Variants in TSHZ2 observed in about 807,000 individuals in gnomAD.
TSHZ2 encodes the protein teashirt zinc finger homeobox 2, also known as teashirt homolog 2.
TSHZ2 carries 21 observed loss-of-function variants against 74.4 expected under a neutral mutation model. The observed-to-expected ratio is 0.28, with a 90% CI of 0.20 to 0.41. The LOEUF (loss-of-function observed/expected upper bound fraction) is 0.41. TSHZ2 is among the 10% of genes least tolerant of loss of function. TSHZ2 has a pLI of 1.00. For missense variants in TSHZ2, 1,244 were observed against 1,293.5 expected (o/e 0.96, Z 0.59); for synonymous variants, 540 against 515.3 (o/e 1.05, Z -0.65).
At chr20:53,444,548 G>A (rs571329262) in intron 2 of TSHZ2, among the ~76,000 whole-genome samples, 1 of 152,312 alleles carries the variant, frequency 6.6e-6, no homozygotes, top group Non-Finnish European at 1.5e-5. Flanking sequence ...AATCAATTTG[G>A]CAGGAGTTAA....
chr20:53,349,702 G>A (rs1165305416), intron 2 of TSHZ2, among the ~76,000 whole-genome samples: 1 of 151,610 alleles, frequency 6.6e-6, no homozygotes, highest in Admixed American at 6.6e-5. Context: ...TCTGAAAGTG[G>A]TACACTTACT....
rs536953233 is a variant in TSHZ2 at position 53,141,984 on chromosome 20, C to T, written c.41-111515C>T. Among the ~76,000 whole-genome samples, 11 of 152,300 alleles carry T rather than the reference C, an allele frequency of 7.2e-5. No individual in the cohort carries two copies. The East Asian group carries it at 1.5e-3, about 21-fold the overall frequency. On this transcript the variant is annotated intron_variant, in intron 1 of 2. Coordinates refer to ENST00000371497, the MANE Select transcript of TSHZ2 (RefSeq NM_173485.6). Reference sequence around the variant, plus strand: ...GCAGGAAGCAAGTGGATGTCAGGGACGGTGGTGGGGGGCTCTGCTTGGAAG... The same window carrying T: ...GCAGGAAGCAAGTGGATGTCAGGGATGGTGGTGGGGGGCTCTGCTTGGAAG...
chr20:53,461,643 A>G (rs989627289), intron 2 of TSHZ2: 1 of 152,184 alleles, frequency 6.6e-6, no homozygotes. Context: ...AATATAAATG[A>G]GAGTAAGAAG....
At chr20:53,040,649 C>T (rs79120471) in intron 1 of TSHZ2, among the ~76,000 whole-genome samples, 3 of 151,446 alleles carry the variant, frequency 2.0e-5, no homozygotes, top group African/African-American at 4.8e-5. Context: ...TAGCCTTTCA[C>T]GGAAGCCTGG....
At chr20:53,142,510 T>C (rs1401602121) in intron 1 of TSHZ2, among the ~76,000 whole-genome samples, 1 of 152,178 alleles carries the variant, frequency 6.6e-6, no homozygotes, top group Non-Finnish European at 1.5e-5. Flanking sequence ...TGAGTTCCAA[T>C]ACAAGCACAG....
At chr20:53,156,860 G>A (rs190042569) in intron 1 of TSHZ2, among the ~76,000 whole-genome samples, 1,748 of 152,308 alleles carry the variant, frequency 0.011, 12 homozygotes, top group Middle Eastern at 0.02. Context: ...TAGGTAGGGG[G>A]AAATAAGAGC....
chr20:53,068,676 AT>A (rs1365349728), intron 1 of TSHZ2, among the ~76,000 whole-genome samples: 1 of 152,182 alleles, frequency 6.6e-6, no homozygotes, highest in East Asian at 1.9e-4. Context: ...TAGGTGCTTA[AT>A]AAGTAATTAT....
chr20:52,977,576 C>T (rs534893549), intron 1 of TSHZ2, among the ~76,000 whole-genome samples: 3 of 152,096 alleles, frequency 2.0e-5, no homozygotes, highest in African/African-American at 7.2e-5. Flanking sequence ...TCCTTGAAAT[C>T]GCTTGGTCCA....
At chr20:53,110,228 C>G (rs936872819) in intron 1 of TSHZ2, among the ~76,000 whole-genome samples, 2 of 152,098 alleles carry the variant, frequency 1.3e-5, no homozygotes, top group Non-Finnish European at 2.9e-5. Flanking sequence ...AGTTGTCATT[C>G]CTATTGTGCT....
intron 1 of TSHZ2, among the ~76,000 whole-genome samples, chr20:53,143,431 C>G (rs747352382): frequency 5.9e-5 from 9 of 152,140 alleles, no homozygotes; most frequent in Admixed American, 4.6e-4. Context: ...CGGTGGCTCA[C>G]GCCTTTAATC....
chr20:53,449,847 T>C (rs1427913317), intron 2 of TSHZ2, among the ~76,000 whole-genome samples: 3 of 152,206 alleles, frequency 2.0e-5, no homozygotes, highest in Non-Finnish European at 4.4e-5. Flanking sequence ...ACCACCCCCA[T>C]GAGCCTCCAG....
At chr20:53,284,239 C>G (rs1278823909) in intron 2 of TSHZ2, among the ~76,000 whole-genome samples, 1 of 152,166 alleles carries the variant, frequency 6.6e-6, no homozygotes, top group African/African-American at 2.4e-5. Flanking sequence ...TTACGCACGC[C>G]CATCTTTTTC....
intron 2 of TSHZ2, among the ~76,000 whole-genome samples, chr20:53,277,681 C>T (rs1223540636): frequency 1.3e-5 from 2 of 152,192 alleles, no homozygotes; most frequent in Non-Finnish European, 2.9e-5. Context: ...GATAGAGGGC[C>T]TGTTTCCCAA....
intron 1 of TSHZ2, among the ~76,000 whole-genome samples, chr20:53,140,476 T>C (rs1456657489): frequency 7.0e-6 from 1 of 142,686 alleles, no homozygotes. Flanking sequence ...GGAGGCGGAG[T>C]TTGCAGTGAG....
chr20:53,014,464 G>A (rs1013601010), intron 1 of TSHZ2, among the ~76,000 whole-genome samples: 3 of 152,112 alleles, frequency 2.0e-5, no homozygotes, highest in African/African-American at 7.2e-5. Context: ...ACCTATTTAT[G>A]GAGCATTAGT....
At chr20:53,214,976 G>A (rs1989400417) in intron 1 of TSHZ2, among the ~76,000 whole-genome samples, 1 of 151,618 alleles carries the variant, frequency 6.6e-6, no homozygotes. Context: ...ATGAGGGAAG[G>A]GCCATCTGAG....
At chr20:53,469,596 G>GGAAA (rs1349150643) in intron 2 of TSHZ2, among the ~76,000 whole-genome samples, 1 of 105,972 alleles carries the variant, frequency 9.4e-6, no homozygotes, top group Non-Finnish European at 1.9e-5. Flanking sequence ...AAGGAAGGAA[G>GGAAA]GACCCAAGAA....
intron 2 of TSHZ2, among the ~76,000 whole-genome samples, chr20:53,336,121 T>C (rs1979939750): frequency 6.6e-6 from 1 of 152,154 alleles, no homozygotes; most frequent in Non-Finnish European, 1.5e-5. Flanking sequence ...ATATGGAAGA[T>C]TCAGTTTGTT....
At chr20:53,452,614 A>G (rs1984842676) in intron 2 of TSHZ2, among the ~76,000 whole-genome samples, 1 of 146,708 alleles carries the variant, frequency 6.8e-6, no homozygotes, top group Non-Finnish European at 1.5e-5. Flanking sequence ...AAAAAAAAAA[A>G]AGGAACTAGA....
Sources: allele counts gnomAD v4.1 joint callset (sites outside exome capture counted in the v4.1 genomes callset), GRCh38; gene constraint gnomAD v4.1.1; transcripts MANE v1.5; gene names NCBI Gene and HGNC (gene_info 2026-07-23, HGNC 2026-07-21).